NOM1: variants seen among roughly 807,000 people sequenced by gnomAD.
NOM1 encodes nucleolar MIF4G domain-containing protein 1.
A neutral mutation model predicts 73.3 loss-of-function variants in NOM1; 58 were observed. The ratio of observed to expected loss-of-function variants is 0.79; its 90% confidence interval spans 0.64 to 0.99. The LOEUF is 0.99. NOM1 is among the 50% of genes least tolerant of loss of function. NOM1 has a pLI of 0.00. For missense variants in NOM1, 1,226 were observed against 1,131.9 expected, an observed-to-expected ratio of 1.08 and a Z score of -1.19; for synonymous variants, 487 against 446.8, an observed-to-expected ratio of 1.09 and a Z score of -1.14.
In NOM1 at chr7:156,969,802, C is replaced by A; in HGVS notation, c.*99C>A. 2.6e-6 allele frequency: 3 copies of A among 1,143,376 alleles called. No individual in the cohort carries two copies. The highest frequency in any genetic ancestry group is 3.6e-6 in the Non-Finnish European group (3 of 830,364). 70.8% of individuals were successfully genotyped at this position (1,143,376 alleles called of 1,614,324 possible). A position where few individuals can be genotyped will look rare whatever the true frequency, so the allele number is the denominator to read the frequency against. ...GCCTGCGTGTGAATGTTTGGTAGAG[C>A]TATATCATTGTCTGTTAATGTATTA... On this transcript the variant is annotated 3_prime_UTR_variant, in exon 11 of 11. Coordinates refer to ENST00000275820, the MANE Select transcript of NOM1 (RefSeq NM_138400.2).
rs1342805757 is a variant in NOM1 at position 156,969,159 on chromosome 7, GA to G, written c.2374del (p.Thr792GlnfsTer8). The G allele has an allele frequency of 6.3e-7, 1 of 1,598,590 alleles. No individual in the cohort carries two copies. Among genetic ancestry groups the G allele is most frequent in the East Asian group, 2.2e-5 (1 of 44,828 alleles). On this transcript the variant is annotated frameshift_variant, in exon 10 of 11. Coordinates refer to ENST00000275820, the MANE Select transcript of NOM1 (RefSeq NM_138400.2). LOFTEE classifies it low-confidence loss of function (END_TRUNC). ...LRKVLSILLMETEVEDLSLIF... is the reference protein window; with the variant it reads ...LRKVLSILLMXTEVEDLSLIF... ...AAAAGTATTAAGTATCCTATTAATG[GA>G]AACAGAAGTTGAAGACCTCAGTTTA...
intron 2 of NOM1, among the ~76,000 whole-genome samples, chr7:156,953,700 G>A (rs757075181): frequency 3.9e-5 from 6 of 152,198 alleles, no homozygotes; most frequent in Non-Finnish European, 7.3e-5. Flanking sequence ...CTTTTCTAGT[G>A]TTAGGAACTA....
chr7:156,967,542 T>C (rs938588678), intron 9 of NOM1, among the ~76,000 whole-genome samples: 13 of 151,204 alleles, frequency 8.6e-5, no homozygotes, highest in South Asian at 2.1e-4. Context: ...TCTTTTTTCT[T>C]CCCCCCCCAA....
rs1360316671 is a variant in NOM1 at position 156,960,879 on chromosome 7, T to C, written c.1632+705T>C. Among the ~76,000 whole-genome samples the C allele has an allele frequency of 2.0e-5, 3 of 151,902 alleles. No individual in the cohort carries two copies. In the East Asian group the frequency reaches 5.8e-4, roughly 29 times the overall value. On this transcript the variant is annotated intron_variant, in intron 4 of 10. Transcript: ENST00000275820. ...GAGTAGGTGGTGGCAAATGTTGGGA[T>C]CGTGGCAGTGGGTGTGGACATGGGC...
chr7:156,963,614 G>T (rs1031123998), intron 6 of NOM1: 5 of 371,780 alleles, frequency 1.3e-5, no homozygotes, highest in Non-Finnish European at 2.5e-5. Flanking sequence ...CATGGTCACG[G>T]TTTCCCAGGC....
chr7:156,950,802 A>G, intron 1 of NOM1, 78 bp downstream of exon 1: 1 of 1,299,550 alleles, frequency 7.7e-7, no homozygotes, highest in East Asian at 2.5e-5. Context: ...TGAGGCAGAA[A>G]TGACACAGAC....
rs1490022742 is a variant in NOM1 at position 156,971,985 on chromosome 7, C to CT, written c.*2285dup. The CT allele has an allele frequency of 3.3e-5, 5 of 152,312 alleles. 1 individual carries two copies. Among genetic ancestry groups the CT allele is most frequent in the Admixed American group, 3.3e-4 (5 of 15,300 alleles). The allele number at this position is 152,312 out of a possible 1,614,324, so 9.4% of individuals were successfully genotyped here. On this transcript the variant is annotated 3_prime_UTR_variant, in exon 11 of 11. Coordinates refer to ENST00000275820, the MANE Select transcript of NOM1 (RefSeq NM_138400.2). ...TTAAGGAGCTTTTTAACAAGAGTGT[C>CT]TTTGCTGGGTGGTGATTGGGATGTA...
chr7:156,962,309 G>A (rs778655846), intron 5 of NOM1, 48 bp downstream of exon 5: 18 of 1,413,342 alleles, frequency 1.3e-5, no homozygotes, highest in East Asian at 4.6e-5. Context: ...CTTCCGTGTC[G>A]GCATGAGCCT....
At chr7:156,964,207 A>G (rs1298906458) in intron 7 of NOM1, 181 bp downstream of exon 7, 4 of 466,168 alleles carry the variant, frequency 8.6e-6, no homozygotes, top group Non-Finnish European at 1.5e-5. Context: ...TCATGTTCCT[A>G]TTAATTTGCC....
In NOM1 at chr7:156,962,222, C is replaced by G. The variant is rs115466166; in HGVS notation, c.1704C>G (p.Pro568=). Residue 568 remains proline, a synonymous_variant, in exon 5 of 11, where the codon CCC becomes CCG. Coordinates refer to ENST00000275820, the MANE Select transcript of NOM1 (RefSeq NM_138400.2). ...NDMRKIPGYD[P]EPVEKLRKLQ... The stretch of plus-strand genomic sequence containing the variant: ...TGCGCAAAATTCCAGGCTATGACCC[C>G]GAGCCCGTGGAGAAGCTGAGGAAAC... 1.9e-5 allele frequency: 31 copies of G among 1,614,096 alleles called. No homozygotes were observed. In the Middle Eastern group the frequency reaches 4.9e-4, roughly 26 times the overall value.
intron 4 of NOM1, among the ~76,000 whole-genome samples, chr7:156,960,688 C>T (rs538501331): frequency 6.6e-6 from 1 of 152,206 alleles, no homozygotes; most frequent in East Asian, 1.9e-4. Context: ...GGTCTCTGGT[C>T]CCTTGTTAAT....
At position 156,950,377 on chromosome 7, in the gene NOM1, G is replaced by A; in HGVS notation, c.640G>A (p.Asp214Asn). Residue 214 changes from aspartate to asparagine, a missense_variant, in exon 1 of 11, where the codon GAC becomes AAC. Physicochemically the swap from Asp to Asn is conservative, Grantham distance 23. Transcript: ENST00000275820. ...CTCCGTGCCGCTGAGCTTTGCACGCGACGGTCTTGACTATATTCTGGGAGC... is the reference window on the plus strand; with the variant it reads ...CTCCGTGCCGCTGAGCTTTGCACGCAACGGTCTTGACTATATTCTGGGAGC... ...SSSVPLSFAR[D>N]GLDYILGALE... The A allele has an allele frequency of 1.9e-6, 3 of 1,614,260 alleles. No individual in the cohort carries two copies. The highest frequency in any genetic ancestry group is 1.7e-6 in the Non-Finnish European group (2 of 1,180,044).
At chr7:156,967,303 T>C (rs1805022625) in intron 9 of NOM1, among the ~76,000 whole-genome samples, 1 of 152,226 alleles carries the variant, frequency 6.6e-6, no homozygotes, top group African/African-American at 2.4e-5. Flanking sequence ...TGCAGTTCTT[T>C]TGCTAATCTG....
intron 3 of NOM1, among the ~76,000 whole-genome samples, chr7:156,956,410 G>A (rs1804728192): frequency 6.6e-6 from 1 of 152,202 alleles, no homozygotes; most frequent in African/African-American, 2.4e-5. Context: ...AATAGGCATA[G>A]GAAAGAGCTG....
At chr7:156,967,665 C>T (rs992791430) in intron 9 of NOM1, among the ~76,000 whole-genome samples, 9 of 152,204 alleles carry the variant, frequency 5.9e-5, no homozygotes, top group Non-Finnish European at 1.2e-4. Context: ...GCTGGGATTA[C>T]AGGCTCATGC....
chr7:156,950,326 A>C lies in NOM1; in HGVS notation c.589A>C (p.Lys197Gln), dbSNP rs778072846. The C allele has an allele frequency of 1.5e-5, 24 of 1,613,754 alleles. No individual in the cohort carries two copies. The Admixed American group carries it at 2.3e-4, about 16-fold the overall frequency. The change falls in exon 1 of 11, where the codon AAG becomes CAG. Residue 197 changes from lysine (K) to glutamine (Q), a missense_variant. Lys to Gln is a moderately conservative substitution (Grantham distance 53). Coordinates refer to ENST00000275820, the MANE Select transcript of NOM1 (RefSeq NM_138400.2). ...GCTGGAGCGTTGCCTCGGTTTGAAC[A>C]AGCGCAAAAAGAAGGACGGCAGCAG... ...RKLERCLGLN[K>Q]RKKKDGSSSV...
intron 1 of NOM1, 28 bp downstream of exon 1, chr7:156,950,752 C>A: frequency 4.0e-6 from 6 of 1,517,534 alleles, no homozygotes; most frequent in Non-Finnish European, 5.3e-6. Flanking sequence ...TCTAGGCCCT[C>A]TGGGATTTCC....
chr7:156,957,479 T>C (rs1386769162), intron 3 of NOM1, among the ~76,000 whole-genome samples: 1 of 152,202 alleles, frequency 6.6e-6, no homozygotes, highest in Admixed American at 6.5e-5. Flanking sequence ...GTAATATACA[T>C]AATTGAAAAC....
chr7:156,952,398 A>G (rs1804616042), intron 1 of NOM1, 76 bp from the exon 2 acceptor site: 1 of 1,488,158 alleles, frequency 6.7e-7, no homozygotes, highest in East Asian at 2.3e-5. Context: ...TAATATTTAA[A>G]TACACATATG....
Sources: allele counts gnomAD v4.1 joint callset (sites outside exome capture counted in the v4.1 genomes callset), GRCh38; gene constraint gnomAD v4.1.1; transcripts MANE v1.5; gene names NCBI Gene and HGNC (gene_info 2026-07-23, HGNC 2026-07-21).